Variants in NIPA1 observed in about 807,000 individuals in gnomAD.
NIPA1 encodes the protein magnesium transporter NIPA1.
A neutral mutation model predicts 23.9 loss-of-function variants in NIPA1; 13 were observed. That is an observed-to-expected ratio of 0.54 (90% CI 0.35 to 0.87). The LOEUF (loss-of-function observed/expected upper bound fraction) is 0.87, where lower values mean the gene tolerates loss of function less well. Among genes scored for constraint, NIPA1 ranks in the 40% least tolerant of loss-of-function variants. The pLI is 0.01. For synonymous variants in NIPA1, 234 were observed against 202.9 expected (o/e 1.15, Z -1.30); for missense variants, 362 against 429.7 (o/e 0.84, Z 1.39).
chr15:22,811,372 C>CCAA (rs1895310728), intron 2 of NIPA1, among the ~76,000 whole-genome samples: 1 of 152,124 alleles, frequency 6.6e-6, no homozygotes, highest in Non-Finnish European at 1.5e-5. Context: ...CTTTGGGAGG[C>CCAA]TGAGACAGGT....
chr15:22,811,522 T>C (rs1279299154), intron 2 of NIPA1, among the ~76,000 whole-genome samples: 1 of 152,110 alleles, frequency 6.6e-6, no homozygotes, highest in Non-Finnish European at 1.5e-5. Context: ...GAGGATTGCT[T>C]GAGCCTGGGA....
chr15:22,824,904 T>C lies in NIPA1; in HGVS notation c.*665T>C, dbSNP rs1244699971. ...TAGCTCAAATCAATTTCAGTGCCTT[T>C]ATCACTTGAATTATTAACTTAATTT... On this transcript the variant is annotated 3_prime_UTR_variant, in exon 5 of 5. Transcript: ENST00000337435. The surrounding 1 kb of genome is among the most constrained non-coding windows in gnomAD (Gnocchi z 4.1). 1 of 153,036 alleles carries C rather than the reference T, an allele frequency of 6.5e-6. No individual in the cohort carries two copies. Among genetic ancestry groups the C allele is most frequent in the Admixed American group, 6.5e-5 (1 of 15,332 alleles). 9.5% of individuals were successfully genotyped at this position (153,036 alleles called of 1,614,324 possible).
rs1566786330 is a variant in NIPA1, at chr15:22,816,485, C to CTTTT, written c.318-3828_318-3827insTTTT. ...TACAGGTGTGAGCCACCGCACCCAG[C>CTTTT]CTTTTTTTTTTTTTTTTTTTTTTTC... On this transcript the variant is annotated intron_variant, in intron 3 of 4. Coordinates refer to ENST00000337435, the MANE Select transcript of NIPA1 (RefSeq NM_144599.5). Among the ~76,000 whole-genome samples the CTTTT allele has an allele frequency of 6.3e-4, 33 of 52,712 alleles. 2 individuals are homozygous for CTTTT. The highest frequency in any genetic ancestry group is 1.2e-3 in the Admixed American group (5 of 4,338). 34.6% of individuals were successfully genotyped at this position (52,712 alleles called of 152,430 possible). A position where few individuals can be genotyped will look rare whatever the true frequency, so the allele number is the denominator to read the frequency against.
intron 1 of NIPA1, among the ~76,000 whole-genome samples, chr15:22,791,570 G>A (rs1365311954): frequency 1.5e-5 from 2 of 132,180 alleles, no homozygotes; most frequent in East Asian, 5.0e-4. Flanking sequence ...TGTAATCTCT[G>A]CTTCCCAGGT....
chr15:22,814,165 T>C (rs752592080), intron 3 of NIPA1: 173 of 1,172,578 alleles, frequency 1.5e-4, no homozygotes, highest in Non-Finnish European at 1.9e-4. Context: ...TAAGACCTTT[T>C]CTTTTAAACA....
At chr15:22,797,216 G>GT (rs35902995) in intron 1 of NIPA1, among the ~76,000 whole-genome samples, 57 of 143,274 alleles carry the variant, frequency 4.0e-4, no homozygotes, top group Non-Finnish European at 6.1e-4. Context: ...ATATATTTGG[G>GT]TTTTTTTTTT....
At chr15:22,816,178 ATTTTTTT>A (rs71117481) in intron 3 of NIPA1, among the ~76,000 whole-genome samples, 5 of 77,488 alleles carry the variant, frequency 6.5e-5, no homozygotes, top group African/African-American at 2.1e-4. Context: ...AGAAGACCTG[ATTTTTTT>A]TTTTTTTTTT....
intron 3 of NIPA1, among the ~76,000 whole-genome samples, chr15:22,816,314 G>A (rs1369811767): frequency 6.9e-6 from 1 of 144,994 alleles, no homozygotes; most frequent in Non-Finnish European, 1.5e-5. Context: ...TCAGCCTCCC[G>A]AGTAGCTGGG....
chr15:22,827,053 T>A lies in NIPA1; in HGVS notation c.*2814T>A, dbSNP rs1296373525. 2 of 152,092 alleles carry A rather than the reference T, an allele frequency of 1.3e-5. No homozygotes were observed. The highest frequency in any genetic ancestry group is 2.9e-5 in the Non-Finnish European group (2 of 68,014). 9.4% of individuals were successfully genotyped at this position (152,092 alleles called of 1,614,324 possible). A position where few individuals can be genotyped will look rare whatever the true frequency, so the allele number is the denominator to read the frequency against. On this transcript the variant is annotated 3_prime_UTR_variant, in exon 5 of 5. Coordinates refer to ENST00000337435, the MANE Select transcript of NIPA1 (RefSeq NM_144599.5). ...CCTAGAACATGGATAGATCTCTTAGTGGTCTTTCCAAAAGTACATGTACTT... is the reference window on the plus strand; with the variant it reads ...CCTAGAACATGGATAGATCTCTTAGAGGTCTTTCCAAAAGTACATGTACTT...
chr15:22,829,679 A>G lies in NIPA1; in HGVS notation c.*5440A>G, dbSNP rs1895716146. Reference sequence around the variant, plus strand: ...TGCTTATATTTTGCTTTATAGATGTAGTCATAGCATGTTGTTATTGCCTCA... The same window carrying G: ...TGCTTATATTTTGCTTTATAGATGTGGTCATAGCATGTTGTTATTGCCTCA... On this transcript the variant is annotated 3_prime_UTR_variant, in exon 5 of 5. Coordinates refer to ENST00000337435, the MANE Select transcript of NIPA1 (RefSeq NM_144599.5). The G allele has an allele frequency of 6.6e-6, 1 of 152,186 alleles. No homozygotes were observed. The highest frequency in any genetic ancestry group is 2.4e-5 in the African/African-American group (1 of 41,436). 9.4% of individuals were successfully genotyped at this position (152,186 alleles called of 1,614,324 possible). A position where few individuals can be genotyped will look rare whatever the true frequency, so the allele number is the denominator to read the frequency against.
Position 22,829,255 on chromosome 15 carries a change from TTGCAC to T in NIPA1, c.*5019_*5023del, listed in dbSNP as rs1895708273. ...TGGCCTGTGAAACACGTGGATTCTG[TTGCAC>T]TGGATTTGTAATAAATGACGCTGAA... On this transcript the variant is annotated 3_prime_UTR_variant, in exon 5 of 5. Coordinates refer to ENST00000337435, the MANE Select transcript of NIPA1 (RefSeq NM_144599.5). The T allele has an allele frequency of 6.6e-6, 1 of 152,142 alleles. No homozygotes were observed. Among genetic ancestry groups the T allele is most frequent in the African/African-American group, 2.4e-5 (1 of 41,426 alleles). The allele number at this position is 152,142 out of a possible 1,614,324, so 9.4% of individuals were successfully genotyped here. A position where few individuals can be genotyped will look rare whatever the true frequency, so the allele number is the denominator to read the frequency against.
intron 1 of NIPA1, among the ~76,000 whole-genome samples, chr15:22,809,384 C>G (rs992792571): frequency 6.6e-6 from 1 of 151,830 alleles, no homozygotes; most frequent in Admixed American, 6.6e-5. Context: ...GATACTCCAT[C>G]TCAAAAAAAG....
intron 1 of NIPA1, among the ~76,000 whole-genome samples, chr15:22,805,541 G>T (rs769861796): frequency 2.0e-5 from 3 of 152,066 alleles, no homozygotes; most frequent in Non-Finnish European, 4.4e-5. Context: ...ACAAAAATTA[G>T]CTGGGTGTGG....
chr15:22,824,928 T>A lies in NIPA1; in HGVS notation c.*689T>A, dbSNP rs975128871. The A allele has an allele frequency of 6.5e-6, 1 of 153,056 alleles. No homozygotes were observed. Among genetic ancestry groups the A allele is most frequent in the Non-Finnish European group, 1.5e-5 (1 of 68,382 alleles). The allele number at this position is 153,056 out of a possible 1,614,324, so 9.5% of individuals were successfully genotyped here. A position where few individuals can be genotyped will look rare whatever the true frequency, so the allele number is the denominator to read the frequency against. On this transcript the variant is annotated 3_prime_UTR_variant, in exon 5 of 5. Transcript: ENST00000337435. The surrounding 1 kb of genome is among the most constrained non-coding windows in gnomAD (Gnocchi z 4.1). Reference sequence around the variant, plus strand: ...TTATCACTTGAATTATTAACTTAATTTGACTCTTAATGTGTATATGTTCTT... The same window carrying A: ...TTATCACTTGAATTATTAACTTAATATGACTCTTAATGTGTATATGTTCTT...
At chr15:22,794,364 G>C (rs1378624502) in intron 1 of NIPA1, among the ~76,000 whole-genome samples, 2 of 150,686 alleles carry the variant, frequency 1.3e-5, no homozygotes, top group African/African-American at 4.9e-5. Context: ...GGAAATATGG[G>C]AGTTGGTGTT....
chr15:22,811,785 C>T (rs1270099904), intron 2 of NIPA1, among the ~76,000 whole-genome samples: 5 of 152,174 alleles, frequency 3.3e-5, no homozygotes, highest in Admixed American at 6.5e-5. Flanking sequence ...GGCCTGTCAC[C>T]GTGGCCAGCT....
At position 22,827,197 on chromosome 15, in the gene NIPA1, T is replaced by TA. The variant is rs1157404381; in HGVS notation, c.*2959dup. On this transcript the variant is annotated 3_prime_UTR_variant, in exon 5 of 5. Transcript: ENST00000337435. ...CAATATGCAGATTTCTCTTGATAGATACTTAAATAGGCTATTTCTCTCCTC... is the reference window on the plus strand; with the variant it reads ...CAATATGCAGATTTCTCTTGATAGATAACTTAAATAGGCTATTTCTCTCCTC... The TA allele has an allele frequency of 6.6e-6, 1 of 152,210 alleles. No homozygotes were observed. Among genetic ancestry groups the TA allele is most frequent in the African/African-American group, 2.4e-5 (1 of 41,436 alleles). The allele number at this position is 152,210 out of a possible 1,614,324, so 9.4% of individuals were successfully genotyped here.
Position 22,823,788 on chromosome 15 carries a change from C to T in NIPA1, c.539C>T (p.Ala180Val). ...LMLLLLIFWI[A>V]PAHGPTNIMV... ...CTGCTGCTGCTCATCTTCTGGATCG[C>T]GCCGGCCCATGGGCCCACCAACATC... The change falls in exon 5 of 5, where the codon GCG (alanine) becomes GTG (valine). Residue 180 changes from alanine (A) to valine (V), a missense_variant. Coordinates refer to ENST00000337435, the MANE Select transcript of NIPA1 (RefSeq NM_144599.5). 4.3e-6 allele frequency: 7 copies of T among 1,613,608 alleles called. No individual in the cohort carries two copies. Among genetic ancestry groups the T allele is most frequent in the African/African-American group, 1.3e-5 (1 of 75,046 alleles).
rs1367141365 is a variant in NIPA1 at position 22,821,081 on chromosome 15, G to A, written c.478+608G>A. Reference sequence around the variant, plus strand: ...CGAGCTCCGCCATTCTTCTGCCTCAGCCTCCTGAGTAGCCGGGGACTACAG... The same window carrying A: ...CGAGCTCCGCCATTCTTCTGCCTCAACCTCCTGAGTAGCCGGGGACTACAG... On this transcript the variant is annotated intron_variant, in intron 4 of 4. Transcript: ENST00000337435. Among the ~76,000 whole-genome samples the A allele has an allele frequency of 6.0e-5, 9 of 150,908 alleles. No homozygotes were observed. In the Admixed American group the frequency reaches 6.0e-4, roughly 10 times the overall value.
Sources: gnomAD v4.1 joint callset for allele counts (sites outside exome capture counted in the v4.1 genomes callset) on GRCh38, gnomAD v4.1.1 for gene constraint, Gnocchi (gnomAD v3.1) non-coding constraint, MANE v1.5 for transcripts, NCBI Gene and HGNC (gene_info 2026-07-23, HGNC 2026-07-21) for gene names.